TBC1D1: variants seen among roughly 807,000 people sequenced by gnomAD.
The protein encoded by TBC1D1 is TBC1 domain family member 1, also known as TBC1 (tre-2/USP6, BUB2, cdc16) domain family, member 1.
Under a neutral mutation model 125.6 loss-of-function variants are expected in TBC1D1, and 89 were observed. That is an observed-to-expected ratio of 0.71 (90% CI 0.60 to 0.85). The LOEUF is 0.85. TBC1D1 is among the 40% of genes least tolerant of loss of function. The pLI is 0.00. For missense variants in TBC1D1, 1,377 were observed against 1,469.2 expected (o/e 0.94, Z 1.03); for synonymous variants, 565 against 564.1 (o/e 1.00, Z -0.02).
At chr4:37,926,145 A>G (rs78298723) in intron 2 of TBC1D1, among the ~76,000 whole-genome samples, 2,264 of 152,372 alleles carry the variant, frequency 0.015, 19 homozygotes, top group Middle Eastern at 0.065. Context: ...AAGCTACCAC[A>G]TGGAGAAAGT....
intron 2 of TBC1D1, among the ~76,000 whole-genome samples, chr4:37,923,983 T>A (rs902872864): frequency 1.3e-5 from 2 of 152,174 alleles, no homozygotes; most frequent in Non-Finnish European, 2.9e-5. Context: ...CCCGGCATAG[T>A]CACCTCTTTT....
At chr4:38,115,561 G>A (rs545981952) in intron 15 of TBC1D1, 149 bp from the exon 18 acceptor site, 117 of 731,608 alleles carry the variant, frequency 1.6e-4, no homozygotes, top group South Asian at 9.0e-4. Flanking sequence ...GGTGGACTTC[G>A]TTTGCAGAGG....
At chr4:38,079,295 A>G (rs1223848958) in intron 12 of TBC1D1, among the ~76,000 whole-genome samples, 1 of 152,214 alleles carries the variant, frequency 6.6e-6, no homozygotes, top group African/African-American at 2.4e-5. Flanking sequence ...TTGCTGTAAT[A>G]GTGTAGGTTG....
rs142491768 is a variant in TBC1D1 at position 37,906,120 on chromosome 4, A to C, written c.417+3608A>C. Among the ~76,000 whole-genome samples the C allele has an allele frequency of 1.4e-3, 217 of 152,160 alleles. 2 individuals are homozygous for C. Among genetic ancestry groups the C allele is most frequent in the African/African-American group, 5.0e-3 (209 of 41,492 alleles). On this transcript the variant is annotated intron_variant, in intron 2 of 19. Transcript: ENST00000261439. ...TGGATGGTCTGCTGCTGCAGGCTTC[A>C]TCTTCAATATTGTCTCGTCCCTTCT... is the stretch of plus-strand genomic sequence containing the variant.
rs773761726 is a variant in TBC1D1 at position 38,014,744 on chromosome 4, A to G, written c.653A>G (p.His218Arg). ...GAGAGCCCCCGCCCCAACCCGCCCC[A>G]TGCCGCGCCCACAGGGAGCCAGGAG... is the stretch of plus-strand genomic sequence containing the variant. The change falls in exon 3 of 20, where the codon CAT (histidine) becomes CGT (arginine). Residue 218 changes from histidine to arginine, a missense_variant. This residue lies in a region of TBC1D1 where 822 missense variants were observed against 824.6 expected (regional missense o/e 1.00). Coordinates refer to ENST00000261439, the MANE Select transcript of TBC1D1 (RefSeq NM_015173.4). The surrounding 1 kb of genome is among the most constrained non-coding windows in gnomAD (Gnocchi z 5.1). The G allele has an allele frequency of 1.1e-5, 10 of 952,018 alleles. No homozygotes were observed. The East Asian group carries it at 1.4e-4, about 13-fold the overall frequency. 59.0% of individuals were successfully genotyped at this position (952,018 alleles called of 1,614,324 possible). A position where few individuals can be genotyped will look rare whatever the true frequency, so the allele number is the denominator to read the frequency against.
At chr4:37,957,877 A>G (rs1293354728) in intron 2 of TBC1D1, among the ~76,000 whole-genome samples, 1 of 152,132 alleles carries the variant, frequency 6.6e-6, no homozygotes, top group East Asian at 1.9e-4. Flanking sequence ...TCCATTTATA[A>G]TGCAACAGAT....
intron 2 of TBC1D1, among the ~76,000 whole-genome samples, chr4:37,939,489 G>T (rs1257298294): frequency 2.0e-5 from 3 of 152,112 alleles, no homozygotes; most frequent in Non-Finnish European, 4.4e-5. Context: ...TTACTCTGAT[G>T]GTAGTTTCTT....
intron 1 of TBC1D1, among the ~76,000 whole-genome samples, chr4:37,893,961 A>G (rs1320028870): frequency 2.6e-5 from 4 of 151,200 alleles, no homozygotes; most frequent in Non-Finnish European, 2.9e-5. Context: ...CACGAAAGAC[A>G]TGAAGGTTTT....
At chr4:37,919,367 T>C (rs1196298168) in intron 2 of TBC1D1, among the ~76,000 whole-genome samples, 1 of 149,476 alleles carries the variant, frequency 6.7e-6, no homozygotes, top group African/African-American at 2.4e-5. Flanking sequence ...GTATTTTTAA[T>C]ATAGACGAGG....
chr4:38,104,194 G>A (rs1273410573), intron 15 of TBC1D1, among the ~76,000 whole-genome samples: 1 of 151,022 alleles, frequency 6.6e-6, no homozygotes, highest in Non-Finnish European at 1.5e-5. Flanking sequence ...GTGTATGGGA[G>A]GATGTGTGTA....
At chr4:38,013,222 CAGAG>C (rs68089579) in intron 2 of TBC1D1, among the ~76,000 whole-genome samples, 9,748 of 152,212 alleles carry the variant, frequency 0.064, 347 homozygotes, top group East Asian at 0.12. Context: ...ATCTTTATGA[CAGAG>C]AGATCTTTAA....
intron 2 of TBC1D1, among the ~76,000 whole-genome samples, chr4:37,939,861 T>G (rs200622140): frequency 6.6e-6 from 1 of 152,234 alleles, no homozygotes; most frequent in Non-Finnish European, 1.5e-5. Context: ...CTGAGGGCTC[T>G]GTTCTGTTCC....
chr4:37,905,484 G>A (rs1369474504), intron 2 of TBC1D1, among the ~76,000 whole-genome samples: 2 of 152,184 alleles, frequency 1.3e-5, no homozygotes, highest in Non-Finnish European at 2.9e-5. Flanking sequence ...CCTGTAAGGT[G>A]GATGCCTAAT....
intron 2 of TBC1D1, among the ~76,000 whole-genome samples, chr4:37,922,389 T>C (rs1197870922): frequency 1.3e-5 from 2 of 152,214 alleles, no homozygotes; most frequent in Non-Finnish European, 1.5e-5. Context: ...CTGATTTTCA[T>C]TGTGTAACTC....
At chr4:38,051,870 C>G in intron 11 of TBC1D1, 29 bp from the exon 12 acceptor site, 12 of 1,542,768 alleles carry the variant, frequency 7.8e-6, no homozygotes, top group Non-Finnish European at 1.1e-5. Context: ...CCTGCTAACC[C>G]CCCCGTGCTT....
rs1560628701 is a variant in TBC1D1 at position 38,018,428 on chromosome 4, A to G, written c.957A>G (p.Ile319Met). The change falls in exon 4 of 20, where the codon ATA becomes ATG. Residue 319 changes from isoleucine to methionine, a missense_variant. Physicochemically the swap from Ile to Met is conservative, Grantham distance 10. Around this residue, in one of 3 missense-constraint regions of TBC1D1, gnomAD observed 822 missense variants for 824.6 expected, o/e 1.00. Coordinates refer to ENST00000261439, the MANE Select transcript of TBC1D1 (RefSeq NM_015173.4). ...CATTGGAGAAAAATTTTAAGGAGATATCCTTTTGCTCTCAGGTAAATGGAG... is the reference window on the plus strand; with the variant it reads ...CATTGGAGAAAAATTTTAAGGAGATGTCCTTTTGCTCTCAGGTAAATGGAG... The G allele has an allele frequency of 1.2e-6, 2 of 1,608,400 alleles. No individual in the cohort carries two copies. The highest frequency in any genetic ancestry group is 2.2e-5 in the East Asian group (1 of 44,754).
rs777619437 is a variant in TBC1D1, at chr4:38,049,748, A to C, written c.1760A>C (p.Gln587Pro). Residue 587 changes from glutamine (Q) to proline (P), a missense_variant, in exon 11 of 20, where the codon CAG becomes CCG. Around this residue, in one of 3 missense-constraint regions of TBC1D1, gnomAD observed 822 missense variants for 824.6 expected, o/e 1.00. Coordinates refer to ENST00000261439, the MANE Select transcript of TBC1D1 (RefSeq NM_015173.4). ...GAAGAGCCAGCTCCGCTGTCGCCCC[A>C]GCAGGCCTTCAGGAGGCGAGCAAAC... is the stretch of plus-strand genomic sequence containing the variant. The C allele has an allele frequency of 1.9e-6, 3 of 1,614,002 alleles. No homozygotes were observed. The highest frequency in any genetic ancestry group is 1.1e-5 in the South Asian group (1 of 91,068).
intron 12 of TBC1D1, among the ~76,000 whole-genome samples, chr4:38,086,059 TTTAACTATC>T (rs1311948654): frequency 4.6e-5 from 7 of 152,354 alleles, no homozygotes; most frequent in African/African-American, 1.7e-4. Flanking sequence ...AACAAAGATT[TTTAACTATC>T]TCCCTTTATA....
chr4:38,023,206 C>G (rs535380522), intron 6 of TBC1D1, among the ~76,000 whole-genome samples: 2 of 148,986 alleles, frequency 1.3e-5, no homozygotes, highest in South Asian at 4.2e-4. Flanking sequence ...GAGATTGTGC[C>G]GCTGTGCTCC....
Sources: gnomAD v4.1 joint callset for allele counts (sites outside exome capture counted in the v4.1 genomes callset) on GRCh38, gnomAD v4.1.1 for gene constraint, gnomAD v4.1.1 regional missense constraint, Gnocchi (gnomAD v3.1) non-coding constraint, MANE v1.5 for transcripts, NCBI Gene and HGNC (gene_info 2026-07-23, HGNC 2026-07-21) for gene names.